The following NAV3 variants were observed in gnomAD, a reference collection of about 807,000 sequenced individuals.
NAV3 encodes neuron navigator 3, also known as pore membrane and/or filament interacting like protein 1.
Under a neutral mutation model 244.7 loss-of-function variants are expected in NAV3, and 87 were observed. The ratio of observed to expected loss-of-function variants is 0.36; its 90% CI spans 0.30 to 0.42. The LOEUF (loss-of-function observed/expected upper bound fraction) is 0.42, where lower values mean the gene tolerates loss of function less well. NAV3 is among the 20% of genes least tolerant of loss of function. The pLI is 1.00. For synonymous variants in NAV3, 1,126 were observed against 1,042.2 expected (o/e 1.08, Z -1.55); for missense variants, 2,663 against 2,893.3 (o/e 0.92, Z 1.83).
chr12:77,674,563 T>C (rs886217514), intron 2 of NAV3, among the ~76,000 whole-genome samples: 2 of 152,208 alleles, frequency 1.3e-5, no homozygotes, highest in East Asian at 1.9e-4. Context: ...CTCATTTTTA[T>C]ATTTTTTATA....
intron 1 of NAV3, among the ~76,000 whole-genome samples, chr12:77,904,392 G>A (rs1885706280): frequency 6.6e-6 from 1 of 151,990 alleles, no homozygotes; most frequent in Non-Finnish European, 1.5e-5. Context: ...ACTATCGCAA[G>A]GACAAAAAAC....
chr12:77,956,002 T>A (rs1032463129), intron 3 of NAV3, among the ~76,000 whole-genome samples: 4 of 152,296 alleles, frequency 2.6e-5, no homozygotes, highest in African/African-American at 7.2e-5. Context: ...AACTATATAC[T>A]TTTTAGGGCT....
chr12:77,790,936 C>T (rs1368277828), intron 2 of NAV3, among the ~76,000 whole-genome samples: 3 of 152,212 alleles, frequency 2.0e-5, no homozygotes, highest in Non-Finnish European at 2.9e-5. Flanking sequence ...CTACTCTCTC[C>T]TCCCTACTCT....
intron 2 of NAV3, among the ~76,000 whole-genome samples, chr12:77,693,052 C>G (rs1875110368): frequency 6.6e-6 from 1 of 151,892 alleles, no homozygotes; most frequent in African/African-American, 2.4e-5. Context: ...TAAAAGCCCT[C>G]CAAAAAATAG....
chr12:77,844,945 A>G (rs1408180124), intron 1 of NAV3, among the ~76,000 whole-genome samples: 1 of 152,208 alleles, frequency 6.6e-6, no homozygotes, highest in Non-Finnish European at 1.5e-5. Context: ...ACTTAATTGT[A>G]GCCAGAAATA....
In NAV3 at chr12:77,708,589, C is replaced by T. The variant is rs552473555; in HGVS notation, c.72+136323C>T. ...CTTTAAAGTAGTTTTTTTTCCAATT[C>T]TGTGAAGAAGGTCATTGGTAGCTTG... On this transcript the variant is annotated intron_variant, in intron 2 of 8. Coordinates refer to the NAV3 transcript ENST00000550042. 9.9e-5 allele frequency among the ~76,000 whole-genome samples: 15 copies of T among 152,092 alleles called. No individual in the cohort carries two copies. The East Asian group carries it at 2.5e-3, about 25-fold the overall frequency.
chr12:77,615,110 T>C (rs1871096961), intron 2 of NAV3, among the ~76,000 whole-genome samples: 1 of 152,304 alleles, frequency 6.6e-6, no homozygotes, highest in Admixed American at 6.5e-5. Context: ...TCTTGGGTTT[T>C]TTGAAATATT....
Position 77,744,641 on chromosome 12 carries a change from T to C in NAV3, c.72+172375T>C, listed in dbSNP as rs527749357. ...AAGGAAACAACTTCTGTTTAATCAG[T>C]GGACGCATATATAGAACACTGAATG... On this transcript the variant is annotated intron_variant, in intron 2 of 8. Coordinates refer to the NAV3 transcript ENST00000550042. 5.3e-5 allele frequency among the ~76,000 whole-genome samples: 8 copies of C among 152,086 alleles called. No homozygotes were observed. In the South Asian group the frequency reaches 1.2e-3, roughly 24 times the overall value.
intron 2 of NAV3, among the ~76,000 whole-genome samples, chr12:77,673,605 A>G (rs1874084012): frequency 6.6e-6 from 1 of 152,132 alleles, no homozygotes; most frequent in African/African-American, 2.4e-5. Context: ...CAATGACATC[A>G]AGTTCATTTG....
Position 77,998,441 on chromosome 12 carries a change from A to G in NAV3, c.845A>G (p.Asn282Ser), listed in dbSNP as rs756965261. The change falls in exon 7 of 40, where the codon AAC becomes AGC. Residue 282 changes from asparagine to serine, a missense_variant. Physicochemically the swap from Asn to Ser is conservative, Grantham distance 46. Around this residue, in one of 6 missense-constraint regions of NAV3, gnomAD observed 1,521 missense variants for 1,497.0 expected, o/e 1.02. Transcript: ENST00000397909. ...RSQSFNSIDKNKPPNYANGNE... is the reference protein window; with the variant it reads ...RSQSFNSIDKSKPPNYANGNE... ...CAGAGCTTTAACAGCATTGACAAAA[A>G]CAAGCCTCCAAATTATGCAAATGGA... 4 of 1,611,066 alleles carry G rather than the reference A, an allele frequency of 2.5e-6. No individual in the cohort carries two copies. Among genetic ancestry groups the G allele is most frequent in the South Asian group, 1.1e-5 (1 of 90,726 alleles).
chr12:77,978,880 A>G (rs769423207), intron 5 of NAV3, among the ~76,000 whole-genome samples: 2 of 151,940 alleles, frequency 1.3e-5, no homozygotes, highest in Non-Finnish European at 2.9e-5. Flanking sequence ...ATTCATTACA[A>G]TTTTCAATAT....
upstream of NAV3, among the ~76,000 whole-genome samples, chr12:77,830,648 G>T (rs1873512852): frequency 6.6e-6 from 1 of 152,190 alleles, no homozygotes; most frequent in Non-Finnish European, 1.5e-5. Flanking sequence ...TTAGCTAGTT[G>T]CACTATTGCA....
At chr12:77,607,169 A>G (rs769863040) in intron 2 of NAV3, among the ~76,000 whole-genome samples, 7 of 152,092 alleles carry the variant, frequency 4.6e-5, no homozygotes, top group Non-Finnish European at 7.4e-5. Context: ...TCACACATTT[A>G]TGTAAGAATT....
chr12:78,006,468 G>A lies in NAV3; in HGVS notation c.930G>A (p.Gln310=), dbSNP rs570474154. The A allele has an allele frequency of 5.3e-5, 86 of 1,614,110 alleles. 1 individual carries two copies. The South Asian group carries it at 8.7e-4, about 16-fold the overall frequency. Residue 310 remains glutamine (Q), a synonymous_variant, in exon 8 of 40, where the codon CAG becomes CAA. Transcript: ENST00000397909. ...CTTCAGGTGTAAATGGTAACGTGCA[G>A]CCTCCCAGTACTGCTGGGCAGCCTC... The part of the protein sequence containing the change: ...QSSSGVNGNV[Q]PPSTAGQPPA...
chr12:77,863,759 G>A (rs959877537), intron 1 of NAV3, among the ~76,000 whole-genome samples: 18 of 151,690 alleles, frequency 1.2e-4, no homozygotes, highest in African/African-American at 4.4e-4. Flanking sequence ...ACCACAAAGA[G>A]GCTTGTTTTA....
At chr12:77,952,096 T>C (rs889144445) in intron 3 of NAV3, among the ~76,000 whole-genome samples, 1 of 151,768 alleles carries the variant, frequency 6.6e-6, no homozygotes, top group African/African-American at 2.4e-5. Flanking sequence ...AGGTTGTTTG[T>C]TTTCTTGTTG....
chr12:78,088,397 C>A (rs1297145899), intron 12 of NAV3, among the ~76,000 whole-genome samples: 1 of 152,034 alleles, frequency 6.6e-6, no homozygotes, highest in Non-Finnish European at 1.5e-5. Context: ...ATTATCACTG[C>A]AAACAATGTT....
At chr12:77,793,615 T>G (rs1871279201) in intron 2 of NAV3, among the ~76,000 whole-genome samples, 1 of 152,178 alleles carries the variant, frequency 6.6e-6, no homozygotes, top group Non-Finnish European at 1.5e-5. Flanking sequence ...AGAATGATGG[T>G]TTCCAGCTTC....
chr12:78,013,604 GAA>G (rs1875679808), intron 8 of NAV3, among the ~76,000 whole-genome samples: 1 of 152,148 alleles, frequency 6.6e-6, no homozygotes, highest in African/African-American at 2.4e-5. Flanking sequence ...TTGAATGTCA[GAA>G]ACTTGGACTT....
Sources: gnomAD v4.1 joint callset for allele counts (sites outside exome capture counted in the v4.1 genomes callset) on GRCh38, gnomAD v4.1.1 for gene constraint, gnomAD v4.1.1 regional missense constraint, MANE v1.5 for transcripts, NCBI Gene and HGNC (gene_info 2026-07-23, HGNC 2026-07-21) for gene names.